Variants in DCLK2 observed in about 807,000 individuals in gnomAD.
DCLK2 encodes the protein doublecortin like kinase 2.
A neutral mutation model predicts 78.4 loss-of-function variants in DCLK2; 31 were observed. The observed-to-expected ratio is 0.40, with a 90% CI of 0.30 to 0.53. DCLK2 has a LOEUF of 0.53. DCLK2 is among the 20% of genes least tolerant of loss of function. The pLI is 0.61. For synonymous variants in DCLK2, 407 were observed against 374.9 expected, an observed-to-expected ratio of 1.09 and a Z score of -0.99; for missense variants, 872 against 973.7, an observed-to-expected ratio of 0.90 and a Z score of 1.39.
At chr4:150,175,317 T>G (rs1456442360) in intron 2 of DCLK2, 1 of 149,326 alleles carries the variant, frequency 6.7e-6, no homozygotes, top group Non-Finnish European at 1.5e-5. Flanking sequence ...CGGTTACCTG[T>G]GAGAGTGCTG....
intron 1 of DCLK2, among the ~76,000 whole-genome samples, chr4:150,086,507 T>C (rs1325485901): frequency 5.7e-4 from 2 of 3,500 alleles, no homozygotes; most frequent in Non-Finnish European, 3.2e-3. Context: ...ATTCTTTTTA[T>C]TTTTTTTTTT....
chr4:150,214,540 G>A (rs1740534797), intron 5 of DCLK2, among the ~76,000 whole-genome samples: 1 of 152,142 alleles, frequency 6.6e-6, no homozygotes, highest in African/African-American at 2.4e-5. Context: ...AAATGTTATT[G>A]GAACATATCC....
chr4:150,187,640 C>A (rs974650279), intron 2 of DCLK2, among the ~76,000 whole-genome samples: 2 of 152,134 alleles, frequency 1.3e-5, no homozygotes, highest in African/African-American at 2.4e-5. Flanking sequence ...TCTCTTTTTT[C>A]TTCCTTTACT....
intron 5 of DCLK2, among the ~76,000 whole-genome samples, chr4:150,211,240 A>T (rs1022053414): frequency 3.3e-5 from 5 of 152,124 alleles, no homozygotes; most frequent in Admixed American, 3.3e-4. Flanking sequence ...GTTACTCGCC[A>T]TGTGGACCTC....
At chr4:150,173,988 C>T (rs1350136713) in intron 2 of DCLK2, among the ~76,000 whole-genome samples, 1 of 152,036 alleles carries the variant, frequency 6.6e-6, no homozygotes, top group Non-Finnish European at 1.5e-5. Flanking sequence ...ATTATTAATC[C>T]CACTGTACTG....
At chr4:150,171,734 T>C (rs1736545806) in intron 2 of DCLK2, among the ~76,000 whole-genome samples, 1 of 152,104 alleles carries the variant, frequency 6.6e-6, no homozygotes, top group African/African-American at 2.4e-5. Flanking sequence ...AACCAAACAT[T>C]GGCTACCGCA....
intron 1 of DCLK2, among the ~76,000 whole-genome samples, chr4:150,100,304 A>G (rs924702589): frequency 1.3e-5 from 2 of 152,216 alleles, no homozygotes. Context: ...CAAATTAAGG[A>G]GCTTCCTTTA....
chr4:150,117,215 G>T (rs1732160392), intron 2 of DCLK2, among the ~76,000 whole-genome samples: 1 of 152,118 alleles, frequency 6.6e-6, no homozygotes, highest in African/African-American at 2.4e-5. Flanking sequence ...AGAAGAATCT[G>T]CCTGGGGAGT....
At chr4:150,194,569 T>C (rs1738726908) in intron 3 of DCLK2, among the ~76,000 whole-genome samples, 3 of 152,196 alleles carry the variant, frequency 2.0e-5, no homozygotes, top group Admixed American at 2.0e-4. Flanking sequence ...TTTTACCCTA[T>C]TGTCTTAAAT....
chr4:150,219,578 A>T (rs1224524459), intron 5 of DCLK2, among the ~76,000 whole-genome samples: 2 of 152,078 alleles, frequency 1.3e-5, no homozygotes, highest in Non-Finnish European at 2.9e-5. Flanking sequence ...TTAATCACTC[A>T]TTTCAAGGTT....
intron 2 of DCLK2, among the ~76,000 whole-genome samples, chr4:150,140,457 C>T (rs1037079073): frequency 2.0e-5 from 3 of 152,152 alleles, no homozygotes; most frequent in Non-Finnish European, 4.4e-5. Flanking sequence ...GGGTTGAGGA[C>T]CCCAATGGTG....
chr4:150,100,328 A>G (rs1304505832), intron 1 of DCLK2, among the ~76,000 whole-genome samples: 1 of 152,248 alleles, frequency 6.6e-6, no homozygotes, highest in Non-Finnish European at 1.5e-5. Context: ...ACTTCATTCT[A>G]ACATTCTGAA....
At chr4:150,166,918 A>C (rs1011212396) in intron 2 of DCLK2, among the ~76,000 whole-genome samples, 3 of 152,116 alleles carry the variant, frequency 2.0e-5, no homozygotes, top group Non-Finnish European at 2.9e-5. Context: ...TCCTTGTCTT[A>C]AGGATAAGTG....
chr4:150,239,319 C>T (rs186588604), intron 10 of DCLK2, among the ~76,000 whole-genome samples: 210 of 152,246 alleles, frequency 1.4e-3, no homozygotes, highest in African/African-American at 4.8e-3. Context: ...AAGGAGGTGT[C>T]GGGCACGGTA....
chr4:150,147,885 G>T (rs893602974), intron 2 of DCLK2, among the ~76,000 whole-genome samples: 11 of 152,182 alleles, frequency 7.2e-5, no homozygotes, highest in Admixed American at 4.6e-4. Context: ...ATATTTATTG[G>T]CAAAGTATTG....
intron 1 of DCLK2, among the ~76,000 whole-genome samples, chr4:150,101,145 C>A (rs9968350): frequency 0.38 from 57,602 of 151,984 alleles, 11,153 homozygotes; most frequent in Non-Finnish European, 0.42. Context: ...ATCCCAGCTA[C>A]TTGGAAGGCT....
intron 8 of DCLK2, among the ~76,000 whole-genome samples, chr4:150,229,355 C>G (rs1230564207): frequency 6.6e-6 from 1 of 152,056 alleles, no homozygotes; most frequent in African/African-American, 2.4e-5. Flanking sequence ...GTGCAAATGC[C>G]TAGAAGTCTA....
intron 2 of DCLK2, among the ~76,000 whole-genome samples, chr4:150,114,462 A>C (rs191209093): frequency 3.9e-5 from 6 of 152,108 alleles, no homozygotes; most frequent in Middle Eastern, 6.8e-3. Flanking sequence ...TATCACTTAG[A>C]TACTTTTCTT....
chr4:150,232,507 TC>T, intron 9 of DCLK2, 51 bp downstream of exon 9: 1 of 1,599,514 alleles, frequency 6.3e-7, no homozygotes, highest in Middle Eastern at 1.7e-4. Context: ...ATTTACAACA[TC>T]CTTGAAGGAC....
Sources: gnomAD v4.1 joint callset for allele counts (sites outside exome capture counted in the v4.1 genomes callset) on GRCh38, gnomAD v4.1.1 for gene constraint, MANE v1.5 for transcripts, NCBI Gene and HGNC (gene_info 2026-07-23, HGNC 2026-07-21) for gene names.